The following SNAPC5 variants were observed in gnomAD, a reference collection of about 807,000 sequenced individuals.
SNAPC5 encodes the protein small nuclear RNA activating complex polypeptide 5.
SNAPC5 carries 12 observed loss-of-function variants against 9.1 expected under a neutral mutation model. The ratio of observed to expected loss-of-function variants is 1.32; its 90% CI spans 0.85 to 2.15. SNAPC5 has a LOEUF of 2.15. SNAPC5 is among the 30% of genes most tolerant of loss of function. SNAPC5 has a pLI of 0.00. For missense variants in SNAPC5, 132 were observed against 114.4 expected (o/e 1.15, Z -0.70); for synonymous variants, 52 against 47.3 (o/e 1.10, Z -0.41).
chr15:66,494,369 G>A lies in SNAPC5; in HGVS notation c.*67C>T. 1.2e-6 allele frequency: 1 copy of A among 869,228 alleles called. No individual in the cohort carries two copies. Among genetic ancestry groups the A allele is most frequent in the Non-Finnish European group, 1.7e-6 (1 of 580,714 alleles). 53.8% of individuals were successfully genotyped at this position (869,228 alleles called of 1,614,324 possible). A position where few individuals can be genotyped will look rare whatever the true frequency, so the allele number is the denominator to read the frequency against. Reference sequence around the variant, plus strand: ...GGGCCCAGGGCAAGATGATTTCCTTGAGGAGAAGTAGCCTGAGCCTTAGAA... The same window carrying A: ...GGGCCCAGGGCAAGATGATTTCCTTAAGGAGAAGTAGCCTGAGCCTTAGAA... On this transcript the variant is annotated 3_prime_UTR_variant, in exon 3 of 3. Coordinates refer to ENST00000316634, the MANE Select transcript of SNAPC5 (RefSeq NM_001329615.2).
downstream of SNAPC5, chr15:66,490,785 C>T: frequency 1.4e-6 from 1 of 695,498 alleles, no homozygotes; most frequent in South Asian, 1.5e-5. Flanking sequence ...ATATTACTGT[C>T]TTTATTCTTA....
At chr15:66,492,044 C>T, downstream of SNAPC5, 1 of 456,618 alleles carries the variant, frequency 2.2e-6, no homozygotes, top group South Asian at 1.5e-5. Flanking sequence ...AGTCTGTCTC[C>T]TTTGCGACAT....
downstream of SNAPC5, chr15:66,490,268 A>T: frequency 3.0e-6 from 2 of 660,632 alleles, no homozygotes; most frequent in Non-Finnish European, 5.5e-6. Context: ...CTGTCTCCAT[A>T]CTGCACGAGT....
At chr15:66,495,653 GA>G (rs1893404572) in intron 1 of SNAPC5, among the ~76,000 whole-genome samples, 1 of 152,212 alleles carries the variant, frequency 6.6e-6, no homozygotes, top group Admixed American at 6.5e-5. Context: ...TGTTCTGGCT[GA>G]GTCATGGCTT....
intron 1 of SNAPC5, 104 bp downstream of exon 1, chr15:66,497,538 G>A (rs1297767296): frequency 4.1e-6 from 4 of 971,190 alleles, no homozygotes; most frequent in Admixed American, 1.7e-5. Flanking sequence ...CTAGTGAGTA[G>A]CGGAGAACTG....
chr15:66,492,180 C>G, downstream of SNAPC5: 1 of 399,412 alleles, frequency 2.5e-6, no homozygotes, highest in Non-Finnish European at 5.0e-6. Context: ...CCATTGGGAA[C>G]TTCTTTTAGG....
intron 1 of SNAPC5, 119 bp from the exon 2 acceptor site, chr15:66,495,538 G>C (rs1256575278): frequency 3.0e-6 from 2 of 671,690 alleles, no homozygotes; most frequent in Non-Finnish European, 5.4e-6. Context: ...AACTATCTCT[G>C]TGTTGCTCTA....
At chr15:66,490,157 C>G, downstream of SNAPC5, 1 of 510,434 alleles carries the variant, frequency 2.0e-6, no homozygotes, top group Non-Finnish European at 3.6e-6. Flanking sequence ...CTGTAAATAT[C>G]TGGACAGCCA....
intron 1 of SNAPC5, 187 bp downstream of exon 1, chr15:66,497,455 A>C: frequency 1.6e-6 from 1 of 635,324 alleles, no homozygotes. Flanking sequence ...AGGGCCTAAG[A>C]AGCGCACAGC....
At chr15:66,491,881 C>T (rs1222658434), downstream of SNAPC5, 1 of 443,670 alleles carries the variant, frequency 2.3e-6, no homozygotes, top group Admixed American at 2.5e-5. Flanking sequence ...AATGACAAAA[C>T]ATTTCTTATC....
downstream of SNAPC5, chr15:66,489,791 A>G (rs1893181813): frequency 6.3e-7 from 1 of 1,581,478 alleles, no homozygotes; most frequent in Non-Finnish European, 8.7e-7. Flanking sequence ...GGATTCTTAC[A>G]GTACCTGTTT....
Position 66,497,728 on chromosome 15 carries a change from G to C in SNAPC5, c.4C>G (p.Leu2Val). 1.9e-6 allele frequency: 3 copies of C among 1,612,098 alleles called. No homozygotes were observed. The highest frequency in any genetic ancestry group is 1.7e-6 in the Non-Finnish European group (2 of 1,179,270). ...TTGCGCAGTTCCTGAAGCCGGCTCA[G>C]CATGTTGCCTGGTCACATAGCCAAC... M[L>V]SRLQELRKEE... Residue 2 changes from leucine (L) to valine (V), a missense_variant, in exon 1 of 3, where the codon CTG becomes GTG. Physicochemically the swap from Leu to Val is conservative, Grantham distance 32. Transcript: ENST00000316634.
At chr15:66,490,746 G>A (rs1893229028), downstream of SNAPC5, 1 of 736,242 alleles carries the variant, frequency 1.4e-6, no homozygotes, top group East Asian at 2.6e-5. Flanking sequence ...AACACAGCAT[G>A]TGCCAAGATT....
chr15:66,495,100 G>A (rs528436090), intron 2 of SNAPC5: 4 of 543,010 alleles, frequency 7.4e-6, no homozygotes, highest in Admixed American at 6.1e-5. Flanking sequence ...ATGACGAGGA[G>A]GATGGAGGTA....
In SNAPC5 at chr15:66,493,961, C is replaced by T. The variant is rs537; in HGVS notation, c.*475G>A. On this transcript the variant is annotated 3_prime_UTR_variant, in exon 3 of 3. Transcript: ENST00000316634. ...GGTAGAAACAGCTTGTGCTCTCAGACGGCCCTCAGTCCTTCCCCTTGTCAT... is the reference window on the plus strand; with the variant it reads ...GGTAGAAACAGCTTGTGCTCTCAGATGGCCCTCAGTCCTTCCCCTTGTCAT... 134,912 of 153,680 alleles carry T rather than the reference C, an allele frequency of 0.88. 59,335 individuals are homozygous for T. Among genetic ancestry groups the T allele is most frequent in the African/African-American group, 0.93 (38,644 of 41,582 alleles). The allele number at this position is 153,680 out of a possible 1,614,324, so 9.5% of individuals were successfully genotyped here. A position where few individuals can be genotyped will look rare whatever the true frequency, so the allele number is the denominator to read the frequency against.
Position 66,493,793 on chromosome 15 carries a change from C to G in SNAPC5, c.*643G>C, listed in dbSNP as rs1049521366. The G allele has an allele frequency of 6.6e-6, 1 of 151,644 alleles. No individual in the cohort carries two copies. Among genetic ancestry groups the G allele is most frequent in the African/African-American group, 2.4e-5 (1 of 41,246 alleles). 9.4% of individuals were successfully genotyped at this position (151,644 alleles called of 1,614,324 possible). On this transcript the variant is annotated 3_prime_UTR_variant, in exon 3 of 3. Coordinates refer to ENST00000316634, the MANE Select transcript of SNAPC5 (RefSeq NM_001329615.2). ...AAGGAACTGCTGCTTCTCTCTGTCG[C>G]TATCTAGAAACCAGCAGGCTCCATG...
In SNAPC5 at chr15:66,497,689, G is replaced by C. The variant is rs776614800; in HGVS notation, c.43C>G (p.Leu15Val). 6.2e-7 allele frequency: 1 copy of C among 1,613,940 alleles called. No individual in the cohort carries two copies. The highest frequency in any genetic ancestry group is 2.2e-5 in the East Asian group (1 of 44,882). Residue 15 changes from leucine to valine, a missense_variant, in exon 1 of 3, where the codon CTG becomes GTG. Leu to Val is a conservative substitution (Grantham distance 32). Coordinates refer to ENST00000316634, the MANE Select transcript of SNAPC5 (RefSeq NM_001329615.2). ...LQELRKEEET[L>V]LRLKAALHDQ... ...TGCAGGGCTGCCTTCAACCGCAGCAGCGTCTCCTCCTCCTTGCGCAGTTCC... is the reference window on the plus strand; with the variant it reads ...TGCAGGGCTGCCTTCAACCGCAGCACCGTCTCCTCCTCCTTGCGCAGTTCC...
At chr15:66,497,604 A>G (rs771206162) in intron 1 of SNAPC5, 38 bp downstream of exon 1, 1 of 1,578,006 alleles carries the variant, frequency 6.3e-7, no homozygotes. Context: ...GTCGCTCGGG[A>G]GGAATGGAGG....
chr15:66,492,598 A>T (rs1893290731), downstream of SNAPC5, among the ~76,000 whole-genome samples: 1 of 152,238 alleles, frequency 6.6e-6, no homozygotes, highest in African/African-American at 2.4e-5. Flanking sequence ...TAAAATGAGA[A>T]TACTACATCC....
Sources: allele counts gnomAD v4.1 joint callset (sites outside exome capture counted in the v4.1 genomes callset), GRCh38; gene constraint gnomAD v4.1.1; transcripts MANE v1.5; gene names NCBI Gene and HGNC (gene_info 2026-07-23, HGNC 2026-07-21).